The following TFCP2 variants were observed in gnomAD, a reference collection of about 807,000 sequenced individuals.
TFCP2 encodes alpha-globin transcription factor CP2.
In TFCP2, 33 loss-of-function variants were observed where a neutral mutation model predicts 73.4. The observed-to-expected ratio is 0.45, with a 90% CI of 0.34 to 0.60. TFCP2 has a LOEUF of 0.60. Ranked by LOEUF, TFCP2 falls within the 20% of genes least tolerant of loss-of-function variation. The pLI, the probability that TFCP2 is intolerant of heterozygous loss-of-function variation, is 0.01. For synonymous variants in TFCP2, 193 were observed against 211.6 expected (o/e 0.91, Z 0.76); for missense variants, 352 against 604.0 (o/e 0.58, Z 4.37).
At chr12:51,113,731 A>C (rs1353391555) in intron 4 of TFCP2, among the ~76,000 whole-genome samples, 1 of 152,236 alleles carries the variant, frequency 6.6e-6, no homozygotes, top group Non-Finnish European at 1.5e-5. Context: ...TAGAATAGAC[A>C]GCCTACAAAT....
At chr12:51,171,059 T>A (rs1941850715) in intron 1 of TFCP2, among the ~76,000 whole-genome samples, 1 of 152,190 alleles carries the variant, frequency 6.6e-6, no homozygotes, top group South Asian at 2.1e-4. Context: ...GAACTTTATA[T>A]AACTCTTAAA....
At chr12:51,096,900 G>T (rs1256733099) in intron 13 of TFCP2, among the ~76,000 whole-genome samples, 8 of 152,044 alleles carry the variant, frequency 5.3e-5, no homozygotes, top group Admixed American at 5.2e-4. Context: ...CAAGGGTACA[G>T]GTAGGGAACG....
chr12:51,132,886 C>T (rs1017011282), intron 1 of TFCP2, among the ~76,000 whole-genome samples: 2 of 152,144 alleles, frequency 1.3e-5, no homozygotes, highest in South Asian at 4.1e-4. Flanking sequence ...CCATCTTGAA[C>T]GTCCCAGCCT....
chr12:51,161,760 C>A (rs1941654344), intron 1 of TFCP2, among the ~76,000 whole-genome samples: 4 of 76,212 alleles, frequency 5.2e-5, no homozygotes, highest in African/African-American at 1.5e-4. Context: ...GACTCCATAT[C>A]AAAAAAAAAA....
intron 1 of TFCP2, among the ~76,000 whole-genome samples, chr12:51,165,811 A>G (rs1391592607): frequency 6.6e-6 from 1 of 152,224 alleles, no homozygotes; most frequent in Non-Finnish European, 1.5e-5. Flanking sequence ...TATTCAGCAA[A>G]CTAGGAATAG....
intron 11 of TFCP2, among the ~76,000 whole-genome samples, chr12:51,101,473 C>T (rs1172099624): frequency 6.6e-6 from 1 of 152,170 alleles, no homozygotes; most frequent in Non-Finnish European, 1.5e-5. Context: ...GTATCCCCTC[C>T]TTGGAGAGGC....
chr12:51,116,084 C>G (rs1940524313), intron 4 of TFCP2, among the ~76,000 whole-genome samples: 1 of 152,126 alleles, frequency 6.6e-6, no homozygotes, highest in Non-Finnish European at 1.5e-5. Context: ...TAAAAAACAA[C>G]AAAATCAACC....
At chr12:51,167,634 T>C (rs571241910) in intron 1 of TFCP2, among the ~76,000 whole-genome samples, 3 of 152,242 alleles carry the variant, frequency 2.0e-5, no homozygotes, top group African/African-American at 7.2e-5. Context: ...CTCAAGGTGA[T>C]CTGCCTGCCT....
Position 51,106,576 on chromosome 12 carries a change from G to A in TFCP2, c.866C>T (p.Ser289Phe), listed in dbSNP as rs1382587564. The A allele has an allele frequency of 3.7e-6, 6 of 1,613,552 alleles. No homozygotes were observed. Among genetic ancestry groups the A allele is most frequent in the Non-Finnish European group, 4.2e-6 (5 of 1,179,774 alleles). Residue 289 changes from serine to phenylalanine, a missense_variant, in exon 8 of 15, where the codon TCC becomes TTC. By Grantham distance (155) the Ser-to-Phe change is radical. Coordinates refer to ENST00000257915, the MANE Select transcript of TFCP2 (RefSeq NM_005653.5). ...GGAACTGTTGAAGCCAGGTGATGGG[G>A]AGTTATTGACATACGTGATCTCGGG... ...PWPEITYVNNSPSPGFNSSHS... is the reference protein window; with the variant it reads ...PWPEITYVNNFPSPGFNSSHS...
In TFCP2 at chr12:51,155,500, A is replaced by G. The variant is rs149958308; in HGVS notation, c.122+16801T>C. On this transcript the variant is annotated intron_variant, in intron 1 of 14. Transcript: ENST00000257915. ...TAGGCTATGCCATTTGACACGACTA[A>G]CAACAGTGTACAGTGGTTCCAATTT... 3.4e-3 allele frequency among the ~76,000 whole-genome samples: 523 copies of G among 152,324 alleles called. 6 individuals carry two copies. Among genetic ancestry groups the G allele is most frequent in the African/African-American group, 0.011 (475 of 41,564 alleles).
At chr12:51,136,868 C>A (rs1303580802) in intron 1 of TFCP2, among the ~76,000 whole-genome samples, 1 of 152,118 alleles carries the variant, frequency 6.6e-6, no homozygotes, top group Non-Finnish European at 1.5e-5. Context: ...ATTGCTTGAA[C>A]CCAGAAGAGG....
Position 51,102,037 on chromosome 12 carries a change from A to G in TFCP2, c.1061-12T>C, listed in dbSNP as rs1272929277. ...CAATAAATCTGCCCCTGGAATAAAT[A>G]TAAGAAAATGGATGATAAAGGCAAA... On this transcript the variant is annotated splice_polypyrimidine_tract_variant and intron_variant, in intron 10 of 14. Coordinates refer to ENST00000257915, the MANE Select transcript of TFCP2 (RefSeq NM_005653.5). 4 of 1,567,482 alleles carry G rather than the reference A, an allele frequency of 2.6e-6. No individual in the cohort carries two copies. Among genetic ancestry groups the G allele is most frequent in the Non-Finnish European group, 2.6e-6 (3 of 1,138,366 alleles).
chr12:51,137,190 A>G (rs1194901366), intron 1 of TFCP2, among the ~76,000 whole-genome samples: 4 of 152,158 alleles, frequency 2.6e-5, no homozygotes, highest in Admixed American at 1.3e-4. Context: ...ACATTTCATT[A>G]TGTACATCTC....
intron 1 of TFCP2, chr12:51,124,686 G>T: frequency 1.6e-6 from 1 of 641,250 alleles, no homozygotes; most frequent in Non-Finnish European, 2.9e-6. Context: ...GCCGTCCCCC[G>T]CGGTGGCCAG....
At chr12:51,131,090 G>A (rs1404137504) in intron 1 of TFCP2, among the ~76,000 whole-genome samples, 2 of 151,586 alleles carry the variant, frequency 1.3e-5, no homozygotes, top group African/African-American at 4.8e-5. Flanking sequence ...AGCACTTTGA[G>A]AGGCCGAGGC....
At chr12:51,134,319 C>G (rs1368844073) in intron 1 of TFCP2, among the ~76,000 whole-genome samples, 1 of 152,136 alleles carries the variant, frequency 6.6e-6, no homozygotes, top group African/African-American at 2.4e-5. Flanking sequence ...AGGTCTGGCT[C>G]TATTGCCCAG....
intron 1 of TFCP2, among the ~76,000 whole-genome samples, chr12:51,169,971 T>C (rs1391654924): frequency 6.6e-6 from 1 of 152,206 alleles, no homozygotes; most frequent in Non-Finnish European, 1.5e-5. Context: ...TGTTTGCTGG[T>C]GATGTTAACT....
At chr12:51,128,933 A>G (rs1940877159) in intron 1 of TFCP2, among the ~76,000 whole-genome samples, 1 of 152,232 alleles carries the variant, frequency 6.6e-6, no homozygotes, top group Admixed American at 6.5e-5. Flanking sequence ...CTGGAACAGG[A>G]GGCTAAATTT....
chr12:51,159,053 C>T (rs1330865945), intron 1 of TFCP2, among the ~76,000 whole-genome samples: 1 of 146,416 alleles, frequency 6.8e-6, no homozygotes, highest in Non-Finnish European at 1.5e-5. Flanking sequence ...GTGGTAGGCG[C>T]CTTTAATCAC....
Sources: allele counts gnomAD v4.1 joint callset (sites outside exome capture counted in the v4.1 genomes callset), GRCh38; gene constraint gnomAD v4.1.1; transcripts MANE v1.5; gene names NCBI Gene and HGNC (gene_info 2026-07-23, HGNC 2026-07-21).